The following GPC5 variants were observed in gnomAD, a reference collection of about 807,000 sequenced individuals.
GPC5 encodes glypican-5.
GPC5 carries 47 observed loss-of-function variants against 53.9 expected under a neutral mutation model. The ratio of observed to expected loss-of-function variants is 0.87; its 90% CI spans 0.69 to 1.11. The LOEUF is 1.11. GPC5 is among the 50% of genes most tolerant of loss of function. The pLI is 0.00. For synonymous variants in GPC5, 286 were observed against 263.3 expected (o/e 1.09, Z -0.84); for missense variants, 748 against 713.1 (o/e 1.05, Z -0.56).
At chr13:91,652,249 T>A (rs759909317) in intron 2 of GPC5, among the ~76,000 whole-genome samples, 4 of 152,068 alleles carry the variant, frequency 2.6e-5, no homozygotes, top group Non-Finnish European at 4.4e-5. Context: ...CTATACCTTT[T>A]GTAAACTGAG....
chr13:92,415,175 A>G (rs1876231889), intron 7 of GPC5, among the ~76,000 whole-genome samples: 1 of 152,172 alleles, frequency 6.6e-6, no homozygotes, highest in Non-Finnish European at 1.5e-5. Context: ...CTTTGACAAC[A>G]TGTTCATAAC....
chr13:91,987,160 T>G (rs1156849901), intron 6 of GPC5, among the ~76,000 whole-genome samples: 4 of 152,202 alleles, frequency 2.6e-5, no homozygotes, highest in African/African-American at 9.6e-5. Context: ...AGAATTTAAA[T>G]AAGATATTAC....
At chr13:91,703,834 G>T (rs2036042676) in intron 3 of GPC5, among the ~76,000 whole-genome samples, 1 of 151,984 alleles carries the variant, frequency 6.6e-6, no homozygotes, top group Non-Finnish European at 1.5e-5. Context: ...AATCCTTATT[G>T]GTCTATTCAG....
chr13:91,602,030 G>A (rs375739564), intron 2 of GPC5, among the ~76,000 whole-genome samples: 1 of 152,296 alleles, frequency 6.6e-6, no homozygotes, highest in East Asian at 1.9e-4. Flanking sequence ...AGTTAAGAAG[G>A]AGGAGCATGG....
At chr13:92,502,478 A>C (rs533304947) in intron 7 of GPC5, among the ~76,000 whole-genome samples, 2 of 152,104 alleles carry the variant, frequency 1.3e-5, no homozygotes, top group Admixed American at 6.6e-5. Context: ...TCTACAAAAA[A>C]TTCGCTTCAG....
Position 92,527,227 on chromosome 13 carries a change from AAGAAAGAAAGAAAGAAAGAAAGAGAAAG to A in GPC5, c.1562-339053_1562-339026del, listed in dbSNP as rs1881372340. Reference sequence around the variant, plus strand: ...AAAGAAAGAAAGAAAGAAAGAAAGAAAGAAAGAAAGAAAGAAAGAAAGAGAAAGAAAGAAAGAAAGAAAGAAAGAAAGA... The same window carrying A: ...AAAGAAAGAAAGAAAGAAAGAAAGAAAAAGAAAGAAAGAAAGAAAGAAAGA... On this transcript the variant is annotated intron_variant, in intron 7 of 7. Transcript: ENST00000377067. 5.6e-5 allele frequency among the ~76,000 whole-genome samples: 3 copies of A among 53,842 alleles called. No individual in the cohort carries two copies. The Admixed American group carries it at 6.4e-4, about 11-fold the overall frequency. 35.3% of individuals were successfully genotyped at this position (53,842 alleles called of 152,430 possible). A position where few individuals can be genotyped will look rare whatever the true frequency, so the allele number is the denominator to read the frequency against.
chr13:91,467,487 A>G (rs1594126702), intron 2 of GPC5, among the ~76,000 whole-genome samples: 1 of 151,910 alleles, frequency 6.6e-6, no homozygotes, highest in Admixed American at 6.6e-5. Context: ...TTCTTTTCTC[A>G]TTCTTATGCT....
intron 7 of GPC5, among the ~76,000 whole-genome samples, chr13:92,164,015 C>T (rs1467067501): frequency 6.6e-6 from 1 of 152,078 alleles, no homozygotes; most frequent in Non-Finnish European, 1.5e-5. Context: ...CTCAAGAGAA[C>T]TCAATCACTA....
At chr13:92,527,193 GAA>G (rs1388722304) in intron 7 of GPC5, among the ~76,000 whole-genome samples, 666 of 21,042 alleles carry the variant, frequency 0.032, 67 homozygotes, top group Middle Eastern at 0.094. Context: ...AAGAAAGAAA[GAA>G]AGAAAGAAAG....
At chr13:91,987,652 G>T (rs2040420610) in intron 6 of GPC5, among the ~76,000 whole-genome samples, 1 of 150,580 alleles carries the variant, frequency 6.6e-6, no homozygotes, top group South Asian at 2.1e-4. Flanking sequence ...TTTGGGAATT[G>T]TCAGTCCATG....
chr13:92,483,061 T>C (rs937268226), intron 7 of GPC5, among the ~76,000 whole-genome samples: 8 of 152,252 alleles, frequency 5.3e-5, no homozygotes, highest in African/African-American at 1.7e-4. Context: ...AACCATCAGA[T>C]TGAGACTTAT....
intron 2 of GPC5, among the ~76,000 whole-genome samples, chr13:91,569,085 A>C (rs776069992): frequency 1.3e-5 from 2 of 152,086 alleles, no homozygotes; most frequent in Non-Finnish European, 2.9e-5. Flanking sequence ...GTGTCCATGA[A>C]GTGTTATAAC....
intron 7 of GPC5, among the ~76,000 whole-genome samples, chr13:92,238,565 T>C (rs1321754897): frequency 6.6e-6 from 1 of 152,118 alleles, no homozygotes; most frequent in Non-Finnish European, 1.5e-5. Flanking sequence ...CTTTTTGTTA[T>C]GGAGTTATAA....
intron 3 of GPC5, among the ~76,000 whole-genome samples, chr13:91,708,341 G>A (rs766126798): frequency 4.0e-5 from 6 of 151,490 alleles, no homozygotes; most frequent in East Asian, 1.9e-4. Context: ...TGTATATGTC[G>A]GAGTCCAGAA....
chr13:91,480,645 A>G (rs539783240), intron 2 of GPC5, among the ~76,000 whole-genome samples: 2 of 152,342 alleles, frequency 1.3e-5, no homozygotes, highest in South Asian at 4.1e-4. Flanking sequence ...GGTAAGCTGA[A>G]GATGGGAAAC....
At chr13:92,294,846 C>T (rs1157611311) in intron 7 of GPC5, among the ~76,000 whole-genome samples, 2 of 102,774 alleles carry the variant, frequency 1.9e-5, no homozygotes, top group Non-Finnish European at 3.7e-5. Context: ...TTTTTTTTTC[C>T]GAGATGGAGT....
At position 92,565,257 on chromosome 13, in the gene GPC5, C is replaced by A. The variant is rs528577899; in HGVS notation, c.1562-301025C>A. On this transcript the variant is annotated intron_variant, in intron 7 of 7. Transcript: ENST00000377067. ...TTCCAAAATGGGTTATATATTATTC[C>A]ACTGAAGGAAAAAGAAACGAACATT... Among the ~76,000 whole-genome samples, 24 of 152,124 alleles carry A rather than the reference C, an allele frequency of 1.6e-4. No individual in the cohort carries two copies. The South Asian group carries it at 5.0e-3, about 32-fold the overall frequency.
intron 7 of GPC5, among the ~76,000 whole-genome samples, chr13:92,595,124 A>T (rs2139072557): frequency 6.6e-6 from 1 of 152,286 alleles, no homozygotes; most frequent in Non-Finnish European, 1.5e-5. Context: ...TATTTTCTGC[A>T]CCTCATTATT....
intron 7 of GPC5, among the ~76,000 whole-genome samples, chr13:92,575,734 G>T (rs775205134): frequency 1.3e-5 from 2 of 152,044 alleles, no homozygotes; most frequent in African/African-American, 4.8e-5. Flanking sequence ...TGTTTCTCTT[G>T]ACTAGGACAG....
Sources: allele counts gnomAD v4.1 joint callset (sites outside exome capture counted in the v4.1 genomes callset), GRCh38; gene constraint gnomAD v4.1.1; transcripts MANE v1.5; gene names NCBI Gene and HGNC (gene_info 2026-07-23, HGNC 2026-07-21).